SEL1L2: variants seen among roughly 807,000 people sequenced by gnomAD.
SEL1L2 encodes the protein protein sel-1 homolog 2.
In SEL1L2, 89 loss-of-function variants were observed where a neutral mutation model predicts 98.8. The ratio of observed to expected loss-of-function variants is 0.90; its 90% CI spans 0.76 to 1.07. SEL1L2 has a LOEUF of 1.07. SEL1L2 is among the 50% of genes least tolerant of loss of function. SEL1L2 has a pLI of 0.00. For missense variants in SEL1L2, 788 were observed against 812.0 expected, an observed-to-expected ratio of 0.97 and a Z score of 0.36; for synonymous variants, 262 against 278.5, an observed-to-expected ratio of 0.94 and a Z score of 0.59.
intron 1 of SEL1L2, among the ~76,000 whole-genome samples, chr20:13,964,767 C>T (rs917333641): frequency 3.3e-5 from 5 of 151,864 alleles, no homozygotes; most frequent in Non-Finnish European, 7.4e-5. Context: ...TCCTACTTTA[C>T]ATTCTTGAAA....
At chr20:13,850,965 G>A (rs1988147430) in intron 18 of SEL1L2, among the ~76,000 whole-genome samples, 3 of 152,094 alleles carry the variant, frequency 2.0e-5, no homozygotes, top group Non-Finnish European at 4.4e-5. Flanking sequence ...CCAGGCACAG[G>A]GGGGTTCACG....
intron 5 of SEL1L2, among the ~76,000 whole-genome samples, chr20:13,903,178 T>C (rs528563081): frequency 3.9e-5 from 6 of 152,252 alleles, no homozygotes; most frequent in African/African-American, 1.4e-4. Flanking sequence ...CAACCACTTT[T>C]AATGATTTCA....
At chr20:13,851,298 A>G (rs550806842) in intron 18 of SEL1L2, 53 of 152,252 alleles carry the variant, frequency 3.5e-4, no homozygotes, top group African/African-American at 1.3e-3. Context: ...ATTATCTACA[A>G]TTCTCATTAT....
intron 5 of SEL1L2, among the ~76,000 whole-genome samples, chr20:13,895,837 G>A (rs6135005): frequency 0.024 from 3,584 of 152,284 alleles, 104 homozygotes; most frequent in East Asian, 0.093. Flanking sequence ...GATCTTACAC[G>A]TAGAATTCCT....
chr20:13,886,600 AT>A (rs2046966710), intron 8 of SEL1L2, among the ~76,000 whole-genome samples, 158 bp from the exon 9 acceptor site: 1 of 152,142 alleles, frequency 6.6e-6, no homozygotes, highest in South Asian at 2.1e-4. Context: ...AAATTTTCAG[AT>A]TTTTGGCCAG....
chr20:13,974,779 T>C (rs1352952156), intron 1 of SEL1L2, among the ~76,000 whole-genome samples: 1 of 152,124 alleles, frequency 6.6e-6, no homozygotes, highest in Non-Finnish European at 1.5e-5. Flanking sequence ...CCTTCCTTTT[T>C]TTCCCTGAAC....
At chr20:13,929,586 C>T (rs8119418) in intron 3 of SEL1L2, among the ~76,000 whole-genome samples, 31,572 of 145,048 alleles carry the variant, frequency 0.22, 3,862 homozygotes, top group African/African-American at 0.34. Flanking sequence ...CTGCAAGCTC[C>T]GCCTCCCGGG....
intron 5 of SEL1L2, among the ~76,000 whole-genome samples, chr20:13,913,017 AC>A (rs2048267536): frequency 6.6e-6 from 1 of 152,234 alleles, no homozygotes; most frequent in African/African-American, 2.4e-5. Flanking sequence ...TATTCAAAAA[AC>A]AAATGAAAGA....
intron 4 of SEL1L2, among the ~76,000 whole-genome samples, chr20:13,917,215 G>C (rs1035455602): frequency 3.3e-5 from 5 of 152,130 alleles, no homozygotes; most frequent in East Asian, 1.9e-4. Context: ...AGAACTCTCT[G>C]TTCTTACTTA....
At chr20:13,956,669 G>C (rs1159615418) in intron 1 of SEL1L2, among the ~76,000 whole-genome samples, 1 of 152,014 alleles carries the variant, frequency 6.6e-6, no homozygotes, top group Non-Finnish European at 1.5e-5. Flanking sequence ...AATTTTTAAT[G>C]AACCAATTTT....
chr20:13,988,397 G>A (rs1002195141), intron 1 of SEL1L2, among the ~76,000 whole-genome samples: 3 of 151,928 alleles, frequency 2.0e-5, no homozygotes. Flanking sequence ...TTATCCAGTT[G>A]TCCCAGCACC....
chr20:13,920,305 C>A (rs2048600726), intron 3 of SEL1L2, among the ~76,000 whole-genome samples: 1 of 151,456 alleles, frequency 6.6e-6, no homozygotes, highest in African/African-American at 2.4e-5. Context: ...GGGGAAGGCA[C>A]AGAGACAGAA....
At chr20:13,900,988 G>T (rs1200031300) in intron 5 of SEL1L2, among the ~76,000 whole-genome samples, 1 of 151,416 alleles carries the variant, frequency 6.6e-6, no homozygotes, top group African/African-American at 2.4e-5. Flanking sequence ...ATTGATTTCA[G>T]TTTTTGTTTA....
At chr20:13,876,169 G>A in intron 11 of SEL1L2, 54 bp from the exon 12 acceptor site, 2 of 1,275,406 alleles carry the variant, frequency 1.6e-6, no homozygotes, top group South Asian at 1.2e-5. Flanking sequence ...TGAGAGTAAT[G>A]CAAATATTTT....
At chr20:13,904,628 A>G (rs564121018) in intron 5 of SEL1L2, among the ~76,000 whole-genome samples, 2 of 152,260 alleles carry the variant, frequency 1.3e-5, no homozygotes, top group African/African-American at 4.8e-5. Flanking sequence ...AGTGGACCAT[A>G]AAGGCTGTTA....
chr20:13,923,488 G>C (rs2148260181), intron 3 of SEL1L2, among the ~76,000 whole-genome samples: 1 of 152,228 alleles, frequency 6.6e-6, no homozygotes, highest in East Asian at 1.9e-4. Context: ...TATATTCTTG[G>C]CTGAGTGCAG....
intron 5 of SEL1L2, among the ~76,000 whole-genome samples, chr20:13,910,503 T>C (rs532997943): frequency 6.6e-6 from 1 of 152,256 alleles, no homozygotes; most frequent in Admixed American, 6.5e-5. Flanking sequence ...GACTCACATA[T>C]GGTCATAATT....
chr20:13,949,454 G>T (rs941562456), intron 2 of SEL1L2, among the ~76,000 whole-genome samples: 5 of 152,278 alleles, frequency 3.3e-5, no homozygotes, highest in Non-Finnish European at 5.9e-5. Context: ...CACGAGGTCA[G>T]GAGATCAAGA....
At chr20:13,934,755 C>T (rs2049370515) in intron 2 of SEL1L2, among the ~76,000 whole-genome samples, 1 of 151,600 alleles carries the variant, frequency 6.6e-6, no homozygotes, top group Non-Finnish European at 1.5e-5. Flanking sequence ...TCCCTTTTCA[C>T]CACATCCATG....
Sources: gnomAD v4.1 joint callset for allele counts (sites outside exome capture counted in the v4.1 genomes callset) on GRCh38, gnomAD v4.1.1 for gene constraint, MANE v1.5 for transcripts, NCBI Gene and HGNC (gene_info 2026-07-23, HGNC 2026-07-21) for gene names.